Variants in PRKN observed in about 807,000 individuals in gnomAD.
PRKN encodes E3 ubiquitin-protein ligase parkin.
Under a neutral mutation model 59.5 loss-of-function variants are expected in PRKN, and 56 were observed. That is an observed-to-expected ratio of 0.94 (90% CI 0.76 to 1.18). PRKN has a LOEUF of 1.18. PRKN is among the 50% of genes most tolerant of loss of function. PRKN has a pLI of 0.00. For missense variants in PRKN, 657 were observed against 596.4 expected (o/e 1.10, Z -1.06); for synonymous variants, 250 against 222.1 (o/e 1.13, Z -1.12).
At chr6:161,730,486 C>G in intron 7 of PRKN, among the ~76,000 whole-genome samples, 1 of 148,890 alleles carries the variant, frequency 6.7e-6, no homozygotes, top group East Asian at 2.0e-4. Context: ...TGCATTCTTT[C>G]TGATATGTTG....
chr6:161,784,113 G>T (rs1562681717), intron 7 of PRKN, among the ~76,000 whole-genome samples: 1 of 152,154 alleles, frequency 6.6e-6, no homozygotes, highest in Non-Finnish European at 1.5e-5. Flanking sequence ...CATAGAGAGA[G>T]ATAGGAACTT....
chr6:162,176,466 A>G (rs1162650426), intron 4 of PRKN, among the ~76,000 whole-genome samples: 5 of 152,156 alleles, frequency 3.3e-5, no homozygotes, highest in South Asian at 4.1e-4. Flanking sequence ...TGATATATTG[A>G]TATGTTGGGA....
chr6:162,390,507 T>C (rs1236929455), intron 2 of PRKN, among the ~76,000 whole-genome samples: 1 of 151,362 alleles, frequency 6.6e-6, no homozygotes, highest in Non-Finnish European at 1.5e-5. Context: ...ACTGGCACAA[T>C]CTCAGCTCAC....
rs981161635 is a variant in PRKN at position 161,487,655 on chromosome 6, T to C, written c.1083+61199A>G. On this transcript the variant is annotated intron_variant, in intron 9 of 11. Coordinates refer to ENST00000366898, the MANE Select transcript of PRKN (RefSeq NM_004562.3). The surrounding 1 kb of genome is among the most constrained non-coding windows in gnomAD (Gnocchi z 5.3). ...TAATATTAAATATTGACTACTGATA[T>C]GATAATATGTGTATTCATGTAGGAG... Among the ~76,000 whole-genome samples the C allele has an allele frequency of 2.0e-5, 3 of 152,040 alleles. No homozygotes were observed. The highest frequency in any genetic ancestry group is 7.2e-5 in the African/African-American group (3 of 41,434).
chr6:161,953,525 G>A (rs561429812), intron 6 of PRKN, among the ~76,000 whole-genome samples: 53 of 152,264 alleles, frequency 3.5e-4, no homozygotes, highest in African/African-American at 1.1e-3. Flanking sequence ...CAGGTTTACC[G>A]GGAAATCACA....
chr6:162,574,495 C>G (rs938799710), intron 1 of PRKN, among the ~76,000 whole-genome samples: 3 of 152,106 alleles, frequency 2.0e-5, no homozygotes, highest in Non-Finnish European at 4.4e-5. Context: ...GGTTTTTATT[C>G]TACCATTTCA....
Position 161,581,826 on chromosome 6 carries a change from C to T in PRKN, c.872-12410G>A, listed in dbSNP as rs1459162414. Among the ~76,000 whole-genome samples the T allele has an allele frequency of 2.6e-5, 4 of 152,194 alleles. No individual in the cohort carries two copies. Among genetic ancestry groups the T allele is most frequent in the African/African-American group, 9.6e-5 (4 of 41,456 alleles). On this transcript the variant is annotated intron_variant, in intron 7 of 11. Transcript: ENST00000366898. This position sits in a 1 kb window ranked among gnomAD's most constrained non-coding sequence, Gnocchi z 4.5. ...GGAAGCCATGCTAAGCTAGTGAGTT[C>T]TGACAAGGGCTCCTTTCCTGCTTCA...
At chr6:162,010,502 A>T (rs1381082413) in intron 5 of PRKN, among the ~76,000 whole-genome samples, 1 of 42,026 alleles carries the variant, frequency 2.4e-5, no homozygotes, top group Non-Finnish European at 3.7e-5. Flanking sequence ...ATATTATATA[A>T]TATATTATAT....
At chr6:161,836,282 T>A (rs1348708915) in intron 6 of PRKN, among the ~76,000 whole-genome samples, 1 of 152,154 alleles carries the variant, frequency 6.6e-6, no homozygotes, top group Non-Finnish European at 1.5e-5. Flanking sequence ...GGGCTACTCA[T>A]CCCAGCAGCA....
intron 9 of PRKN, among the ~76,000 whole-genome samples, chr6:161,474,226 C>G (rs1269573289): frequency 6.6e-6 from 1 of 152,156 alleles, no homozygotes; most frequent in African/African-American, 2.4e-5. Flanking sequence ...GGCTACTCCA[C>G]GGAAGTGCCC....
At chr6:161,540,488 T>C (rs73593432) in intron 9 of PRKN, among the ~76,000 whole-genome samples, 2,806 of 152,266 alleles carry the variant, frequency 0.018, 83 homozygotes, top group African/African-American at 0.064. Flanking sequence ...GTCTCAAAAA[T>C]ACATTTGAGG....
intron 6 of PRKN, among the ~76,000 whole-genome samples, chr6:161,840,306 G>C (rs1214783845): frequency 1.3e-5 from 2 of 152,180 alleles, no homozygotes; most frequent in African/African-American, 4.8e-5. Flanking sequence ...GCGTGTTTGT[G>C]CATTATTGCA....
At chr6:161,906,346 T>G (rs1481210669) in intron 6 of PRKN, among the ~76,000 whole-genome samples, 1 of 152,202 alleles carries the variant, frequency 6.6e-6, no homozygotes, top group Non-Finnish European at 1.5e-5. Flanking sequence ...GAATCCATGT[T>G]GAAAGAAACT....
At chr6:161,920,639 A>G (rs1412884108) in intron 6 of PRKN, among the ~76,000 whole-genome samples, 1 of 151,180 alleles carries the variant, frequency 6.6e-6, no homozygotes, top group Non-Finnish European at 1.5e-5. Flanking sequence ...AAAATACAAA[A>G]ATTAGCTGGG....
rs755354082 is a variant in PRKN, at chr6:161,350,143, C to G, written c.1354G>C (p.Glu452Gln). The change falls in exon 12 of 12, where the codon GAG becomes CAG. Residue 452 changes from glutamate (E) to glutamine (Q), a missense_variant. Coordinates refer to ENST00000366898, the MANE Select transcript of PRKN (RefSeq NM_004562.3). ...RLEWCWNCGC[E>Q]WNRVCMGDHW... ...TCCCCCATGCAGACGCGGTTCCACT[C>G]GCAGCCACAGTTCCAGCACCACTCG... is the stretch of plus-strand genomic sequence containing the variant. 4 of 1,613,492 alleles carry G rather than the reference C, an allele frequency of 2.5e-6. No homozygotes were observed. In the South Asian group the frequency reaches 3.3e-5, roughly 13 times the overall value.
At chr6:161,449,867 G>A (rs1161540586) in intron 9 of PRKN, among the ~76,000 whole-genome samples, 1 of 150,944 alleles carries the variant, frequency 6.6e-6, no homozygotes, top group African/African-American at 2.4e-5. Context: ...ATTGGGAATG[G>A]AACATCTTTG....
At chr6:161,657,289 G>A (rs907871568) in intron 7 of PRKN, among the ~76,000 whole-genome samples, 3 of 152,138 alleles carry the variant, frequency 2.0e-5, no homozygotes, top group African/African-American at 7.2e-5. Flanking sequence ...AGATTTCTGG[G>A]ACAGTCTTCT....
At chr6:161,599,837 G>A (rs751804400) in intron 7 of PRKN, among the ~76,000 whole-genome samples, 34 of 152,096 alleles carry the variant, frequency 2.2e-4, no homozygotes, top group African/African-American at 6.5e-4. Flanking sequence ...TTGGGCTTTC[G>A]TTTATTTTTG....
chr6:162,274,807 C>T (rs1274144670), intron 2 of PRKN, among the ~76,000 whole-genome samples: 2 of 152,078 alleles, frequency 1.3e-5, no homozygotes, highest in South Asian at 2.1e-4. Flanking sequence ...TGTGGCCAGG[C>T]ACAGTGGCTC....
Sources: allele counts gnomAD v4.1 joint callset (sites outside exome capture counted in the v4.1 genomes callset), GRCh38; gene constraint gnomAD v4.1.1; non-coding constraint Gnocchi (gnomAD v3.1); transcripts MANE v1.5; gene names NCBI Gene and HGNC (gene_info 2026-07-23, HGNC 2026-07-21).